DLG2: variants seen among roughly 807,000 people sequenced by gnomAD.
DLG2 encodes disks large homolog 2.
Under a neutral mutation model 132.5 loss-of-function variants are expected in DLG2, and 45 were observed. The observed-to-expected ratio is 0.34, with a 90% CI of 0.27 to 0.44. The LOEUF is 0.44. DLG2 is among the 20% of genes least tolerant of loss of function. DLG2 has a pLI of 1.00. For missense variants in DLG2, 1,045 were observed against 1,196.9 expected, an observed-to-expected ratio of 0.87 and a Z score of 1.87; for synonymous variants, 424 against 419.6, an observed-to-expected ratio of 1.01 and a Z score of -0.13.
At chr11:83,871,403 A>G (rs936591067) in intron 16 of DLG2, among the ~76,000 whole-genome samples, 3 of 152,242 alleles carry the variant, frequency 2.0e-5, no homozygotes, top group Non-Finnish European at 4.4e-5. Flanking sequence ...ATTTTATGTC[A>G]AGTAAATAGC....
chr11:85,162,653 G>C (rs1238950589), intron 4 of DLG2, among the ~76,000 whole-genome samples: 1 of 152,104 alleles, frequency 6.6e-6, no homozygotes, highest in Admixed American at 6.5e-5. Context: ...TTAAAGTATT[G>C]TTAACTTTAT....
intron 6 of DLG2, among the ~76,000 whole-genome samples, chr11:84,839,141 A>G (rs918612621): frequency 4.6e-5 from 7 of 152,158 alleles, no homozygotes; most frequent in Non-Finnish European, 1.0e-4. Flanking sequence ...CAACTTCAGC[A>G]AAGTCTCAGG....
At chr11:84,585,330 G>A (rs1232173684) in intron 6 of DLG2, among the ~76,000 whole-genome samples, 1 of 152,132 alleles carries the variant, frequency 6.6e-6, no homozygotes, top group Non-Finnish European at 1.5e-5. Flanking sequence ...TAGAACTGGT[G>A]AACTTACCTT....
At chr11:83,880,231 A>G (rs569596800) in intron 15 of DLG2, among the ~76,000 whole-genome samples, 140 of 152,328 alleles carry the variant, frequency 9.2e-4, no homozygotes, top group Non-Finnish European at 1.7e-3. Context: ...AGATGGAGAT[A>G]ACAGTGATTC....
intron 6 of DLG2, among the ~76,000 whole-genome samples, chr11:84,742,934 T>C (rs2064875517): frequency 6.6e-6 from 1 of 152,194 alleles, no homozygotes; most frequent in Admixed American, 6.5e-5. Context: ...GCTTCCTGTT[T>C]CCAGTTTTTA....
In DLG2 at chr11:83,737,489, T is replaced by C. The variant is rs114444152; in HGVS notation, c.1825+49201A>G. 9.8e-3 allele frequency among the ~76,000 whole-genome samples: 1,488 copies of C among 152,344 alleles called. 21 individuals are homozygous for C. The highest frequency in any genetic ancestry group is 0.034 in the African/African-American group (1,402 of 41,562). ...CTTGGAGCTATACTTTTTCTCCATT[T>C]CTGCTGAATCTGAAAGATATGTTTC... On this transcript the variant is annotated intron_variant, in intron 18 of 27. Transcript: ENST00000376104.
At chr11:84,794,084 G>C (rs2074236914) in intron 6 of DLG2, among the ~76,000 whole-genome samples, 1 of 152,008 alleles carries the variant, frequency 6.6e-6, no homozygotes, top group South Asian at 2.1e-4. Flanking sequence ...TTGATGTGAA[G>C]TTACCATGAG....
intron 14 of DLG2, among the ~76,000 whole-genome samples, chr11:83,938,982 C>T (rs1328472604): frequency 1.3e-5 from 2 of 152,182 alleles, no homozygotes; most frequent in East Asian, 1.9e-4. Flanking sequence ...TACCTGATAG[C>T]TTCTTCTTGC....
At chr11:84,510,346 T>C (rs2154513838) in intron 7 of DLG2, among the ~76,000 whole-genome samples, 1 of 152,172 alleles carries the variant, frequency 6.6e-6, no homozygotes, top group African/African-American at 2.4e-5. Context: ...ATTCACCACA[T>C]TTTATACAAG....
intron 4 of DLG2, among the ~76,000 whole-genome samples, chr11:85,202,234 C>A (rs1334062207): frequency 6.9e-6 from 1 of 145,510 alleles, no homozygotes; most frequent in African/African-American, 2.5e-5. Flanking sequence ...CATATTCAAC[C>A]CAAATAAGAA....
intron 17 of DLG2, among the ~76,000 whole-genome samples, chr11:83,788,486 G>A (rs945040159): frequency 2.6e-5 from 4 of 152,144 alleles, no homozygotes; most frequent in African/African-American, 9.7e-5. Flanking sequence ...GAGACTGTTA[G>A]GCTATATGAA....
intron 6 of DLG2, among the ~76,000 whole-genome samples, chr11:84,987,983 C>T (rs1018315502): frequency 2.0e-5 from 3 of 152,160 alleles, no homozygotes; most frequent in Admixed American, 6.5e-5. Flanking sequence ...AAACATATAA[C>T]TCACAGAGTG....
chr11:85,244,714 G>A (rs2076052711), intron 4 of DLG2, among the ~76,000 whole-genome samples: 1 of 152,078 alleles, frequency 6.6e-6, no homozygotes, highest in Non-Finnish European at 1.5e-5. Context: ...ATATGTCAAT[G>A]ATCAGAGATA....
intron 19 of DLG2, among the ~76,000 whole-genome samples, chr11:83,562,678 CTG>C (rs2096632391): frequency 6.6e-6 from 1 of 152,040 alleles, no homozygotes; most frequent in South Asian, 2.1e-4. Flanking sequence ...TCAGTACAAT[CTG>C]TGTTTTCAGT....
At chr11:84,050,153 CTTT>C (rs59128434) in intron 11 of DLG2, among the ~76,000 whole-genome samples, 1,904 of 141,092 alleles carry the variant, frequency 0.013, 11 homozygotes, top group East Asian at 0.028. Context: ...CTACTGGAGA[CTTT>C]TTTTTTTTTT....
intron 3 of DLG2, among the ~76,000 whole-genome samples, chr11:85,354,936 A>G (rs1438688876): frequency 1.3e-5 from 2 of 152,054 alleles, no homozygotes; most frequent in Non-Finnish European, 2.9e-5. Flanking sequence ...AAAAAAACAG[A>G]TAACATTTCT....
chr11:83,851,777 G>A (rs542493616), intron 16 of DLG2, among the ~76,000 whole-genome samples: 4 of 151,914 alleles, frequency 2.6e-5, no homozygotes, highest in South Asian at 2.1e-4. Flanking sequence ...AAAATTAGCC[G>A]GGCATGGTGG....
Position 85,057,447 on chromosome 11 carries a change from G to A in DLG2, c.357+54214C>T, listed in dbSNP as rs530942011. Among the ~76,000 whole-genome samples, 108 of 151,610 alleles carry A rather than the reference G, an allele frequency of 7.1e-4. 1 individual carries two copies. Among genetic ancestry groups the A allele is most frequent in the Middle Eastern group, 3.4e-3 (1 of 292 alleles). On this transcript the variant is annotated intron_variant, in intron 6 of 27. Transcript: ENST00000376104. ...TAGTTGAAATGGAGAAAGCCTAGCTGCAAAATAACTTACCAAAACCAATAC... is the reference window on the plus strand; with the variant it reads ...TAGTTGAAATGGAGAAAGCCTAGCTACAAAATAACTTACCAAAACCAATAC...
chr11:84,611,890 A>G (rs550396722), intron 6 of DLG2, among the ~76,000 whole-genome samples: 1 of 152,318 alleles, frequency 6.6e-6, no homozygotes, highest in African/African-American at 2.4e-5. Flanking sequence ...TAATGATGCA[A>G]TGGAACCATT....
Sources: allele counts gnomAD v4.1 joint callset (sites outside exome capture counted in the v4.1 genomes callset), GRCh38; gene constraint gnomAD v4.1.1; transcripts MANE v1.5; gene names NCBI Gene and HGNC (gene_info 2026-07-23, HGNC 2026-07-21).